Variants in FUT9 observed in about 807,000 individuals in gnomAD.
The protein encoded by FUT9 is 4-galactosyl-N-acetylglucosaminide 3-alpha-L-fucosyltransferase 9.
A neutral mutation model predicts 29.7 loss-of-function variants in FUT9; 15 were observed. That is an observed-to-expected ratio of 0.51 (90% CI 0.34 to 0.78). FUT9 has a LOEUF of 0.78. Among genes scored for constraint, FUT9 ranks in the 30% least tolerant of loss-of-function variants. The pLI, the probability that FUT9 is intolerant of heterozygous loss-of-function variation, is 0.01. For synonymous variants in FUT9, 169 were observed against 153.7 expected (o/e 1.10, Z -0.74); for missense variants, 319 against 425.4 (o/e 0.75, Z 2.20).
chr6:96,165,558 T>C (rs1195942303), intron 2 of FUT9, among the ~76,000 whole-genome samples: 1 of 151,844 alleles, frequency 6.6e-6, no homozygotes, highest in East Asian at 1.9e-4. Flanking sequence ...TGCAAAGACC[T>C]TTATATTTTC....
At chr6:96,117,871 A>G (rs1326361021) in intron 2 of FUT9, among the ~76,000 whole-genome samples, 1 of 152,158 alleles carries the variant, frequency 6.6e-6, no homozygotes, top group African/African-American at 2.4e-5. Flanking sequence ...TTTAAATTCA[A>G]AATTTTTACC....
chr6:96,097,382 G>A (rs1454956508), intron 1 of FUT9, among the ~76,000 whole-genome samples: 1 of 152,078 alleles, frequency 6.6e-6, no homozygotes, highest in Non-Finnish European at 1.5e-5. Context: ...CTTGGAATTG[G>A]CCTTACTGAG....
chr6:96,185,031 A>C (rs532581568), intron 2 of FUT9, among the ~76,000 whole-genome samples: 2 of 152,054 alleles, frequency 1.3e-5, no homozygotes, highest in Non-Finnish European at 2.9e-5. Flanking sequence ...TTATGTTAAC[A>C]AGGAGATTAG....
intron 1 of FUT9, among the ~76,000 whole-genome samples, chr6:96,051,002 C>T (rs574924887): frequency 2.3e-5 from 2 of 85,358 alleles, no homozygotes; most frequent in South Asian, 1.0e-3. Context: ...GATCATGTCT[C>T]TCTCTCTCTC....
intron 1 of FUT9, among the ~76,000 whole-genome samples, chr6:96,033,023 AAC>A (rs2127927550): frequency 6.6e-6 from 1 of 151,718 alleles, no homozygotes; most frequent in African/African-American, 2.4e-5. Context: ...CTAGGCTGCT[AAC>A]CAGGAAAACA....
intron 1 of FUT9, among the ~76,000 whole-genome samples, chr6:96,044,245 T>C (rs1460685734): frequency 3.9e-5 from 6 of 152,210 alleles, no homozygotes; most frequent in African/African-American, 1.4e-4. Flanking sequence ...AGTGATTCCT[T>C]GAGCAAAGAT....
chr6:96,179,110 T>C (rs1773260280), intron 2 of FUT9, among the ~76,000 whole-genome samples: 2 of 152,164 alleles, frequency 1.3e-5, no homozygotes, highest in South Asian at 4.1e-4. Flanking sequence ...TATTGGGATC[T>C]TAGGTATAGT....
intron 2 of FUT9, among the ~76,000 whole-genome samples, chr6:96,131,337 C>T (rs1772240743): frequency 6.6e-6 from 1 of 151,978 alleles, no homozygotes; most frequent in Non-Finnish European, 1.5e-5. Flanking sequence ...TCATTTTCAA[C>T]TTATTTTTTC....
chr6:96,139,196 G>T (rs2127972394), intron 2 of FUT9, among the ~76,000 whole-genome samples: 1 of 152,252 alleles, frequency 6.6e-6, no homozygotes, highest in South Asian at 2.1e-4. Flanking sequence ...TGGCCAAAAT[G>T]AAGGGCCTGC....
chr6:96,139,922 T>C (rs1025408577), intron 2 of FUT9, among the ~76,000 whole-genome samples: 1 of 152,186 alleles, frequency 6.6e-6, no homozygotes, highest in Admixed American at 6.5e-5. Flanking sequence ...GTCTTGGTGA[T>C]TAATATTTGG....
intron 2 of FUT9, among the ~76,000 whole-genome samples, chr6:96,146,407 A>T (rs950436194): frequency 4.6e-5 from 7 of 152,212 alleles, no homozygotes; most frequent in Admixed American, 1.3e-4. Context: ...CACAAAATTT[A>T]AAATGTGGGC....
At chr6:96,110,288 C>T (rs770589043) in intron 1 of FUT9, among the ~76,000 whole-genome samples, 11 of 152,124 alleles carry the variant, frequency 7.2e-5, no homozygotes, top group Admixed American at 2.6e-4. Flanking sequence ...GCCTCATAAA[C>T]GTTTTTGGCT....
At chr6:96,142,608 G>T (rs542707657) in intron 2 of FUT9, among the ~76,000 whole-genome samples, 147 of 152,276 alleles carry the variant, frequency 9.7e-4, no homozygotes, top group Non-Finnish European at 1.8e-3. Flanking sequence ...ACTCTCTTTT[G>T]TGTGTGTCCC....
intron 2 of FUT9, among the ~76,000 whole-genome samples, chr6:96,119,664 T>A (rs1022832338): frequency 2.6e-5 from 4 of 152,218 alleles, no homozygotes; most frequent in Admixed American, 1.3e-4. Context: ...CAAGCTAACC[T>A]GCCATCCTTT....
intron 2 of FUT9, among the ~76,000 whole-genome samples, chr6:96,148,852 G>C (rs1582267835): frequency 6.6e-6 from 1 of 152,082 alleles, no homozygotes; most frequent in Non-Finnish European, 1.5e-5. Context: ...AATGTGGGCT[G>C]TTAGACTTTT....
At chr6:96,085,212 G>A (rs1010555369) in intron 1 of FUT9, among the ~76,000 whole-genome samples, 7 of 152,144 alleles carry the variant, frequency 4.6e-5, no homozygotes, top group African/African-American at 1.4e-4. Context: ...GTCCATTTGG[G>A]CTGCTACAAC....
chr6:96,189,030 C>T (rs1773456396), intron 2 of FUT9, among the ~76,000 whole-genome samples: 1 of 151,906 alleles, frequency 6.6e-6, no homozygotes, highest in East Asian at 1.9e-4. Flanking sequence ...AAATGCTGTG[C>T]AAAAATGACA....
chr6:96,143,228 C>T (rs1012956221), intron 2 of FUT9, among the ~76,000 whole-genome samples: 2 of 152,192 alleles, frequency 1.3e-5, no homozygotes, highest in Non-Finnish European at 2.9e-5. Flanking sequence ...CCCCTTTCTG[C>T]CATGTGATGA....
intron 1 of FUT9, among the ~76,000 whole-genome samples, chr6:96,023,860 A>C (rs1384587791): frequency 6.6e-6 from 1 of 151,602 alleles, no homozygotes; most frequent in Admixed American, 6.6e-5. Flanking sequence ...TTTTCTTCTT[A>C]TTGTTTTTGT....
Sources: gnomAD v4.1 joint callset for allele counts (sites outside exome capture counted in the v4.1 genomes callset) on GRCh38, gnomAD v4.1.1 for gene constraint, MANE v1.5 for transcripts, NCBI Gene and HGNC (gene_info 2026-07-23, HGNC 2026-07-21) for gene names.